The following PARD3 variants were observed in gnomAD, a reference collection of about 807,000 sequenced individuals.
The protein encoded by PARD3 is par-3 family cell polarity regulator.
PARD3 carries 75 observed loss-of-function variants against 155.4 expected under a neutral mutation model. That is an observed-to-expected ratio of 0.48 (90% confidence interval 0.40 to 0.58). The LOEUF is 0.58. PARD3 is among the 20% of genes least tolerant of loss of function. PARD3 has a pLI of 0.00. For synonymous variants in PARD3, 576 were observed against 610.5 expected, an observed-to-expected ratio of 0.94 and a Z score of 0.83; for missense variants, 1,642 against 1,721.7, an observed-to-expected ratio of 0.95 and a Z score of 0.82.
rs1843623911 is a variant in PARD3, at chr10:34,398,976, C to T, written c.890+354G>A. ...GATAATTTTTATTGCATTAAGCTTTCCCAAAAAAAGTGCTTTTAAGCTCTC... is the reference window on the plus strand; with the variant it reads ...GATAATTTTTATTGCATTAAGCTTTTCCAAAAAAAGTGCTTTTAAGCTCTC... On this transcript the variant is annotated intron_variant, in intron 7 of 24. Transcript: ENST00000374788. 2.0e-5 allele frequency among the ~76,000 whole-genome samples: 3 copies of T among 152,098 alleles called. No homozygotes were observed. In the South Asian group the frequency reaches 6.2e-4, roughly 31 times the overall value.
intron 7 of PARD3, among the ~76,000 whole-genome samples, chr10:34,391,847 G>T (rs543600537): frequency 6.6e-6 from 1 of 152,004 alleles, no homozygotes; most frequent in Non-Finnish European, 1.5e-5. Flanking sequence ...ACTCAAAAAC[G>T]CAAAACATTA....
intron 3 of PARD3, among the ~76,000 whole-genome samples, chr10:34,501,000 A>G (rs2080661611): frequency 6.6e-6 from 1 of 152,240 alleles, no homozygotes; most frequent in South Asian, 2.1e-4. Context: ...AGAGTTAAAA[A>G]TAACTAATTT....
At chr10:34,236,147 C>T (rs1017095478) in intron 22 of PARD3, among the ~76,000 whole-genome samples, 4 of 152,124 alleles carry the variant, frequency 2.6e-5, no homozygotes, top group African/African-American at 7.2e-5. Flanking sequence ...GGGTAACCTA[C>T]AGCTTATGAT....
At chr10:34,606,638 C>CAAAAAAAAAAA (rs398013195) in intron 2 of PARD3, among the ~76,000 whole-genome samples, 4 of 79,656 alleles carry the variant, frequency 5.0e-5, no homozygotes, top group African/African-American at 1.9e-4. Context: ...CCCGTGTCTT[C>CAAAAAAAAAAA]AAAAAAAAAA....
rs150557832 is a variant in PARD3 at position 34,360,245 on chromosome 10, C to T, written c.1722G>A (p.Glu574=). The T allele has an allele frequency of 2.6e-4, 422 of 1,612,406 alleles. 1 individual carries two copies. Among genetic ancestry groups the T allele is most frequent in the Non-Finnish European group, 5.3e-5 (63 of 1,178,564 alleles). Residue 574 remains glutamate, a synonymous_variant, in exon 13 of 25, where the codon GAG becomes GAA. Transcript: ENST00000374788. The part of the protein sequence containing the change: ...QIPKETKAED[E]DIVLTPDGTR... Reference sequence around the variant, plus strand: ...TGCCATCAGGTGTAAGAACAATATCCTCATCTTCTGCTTTCTAATAGGGAA... The same window carrying T: ...TGCCATCAGGTGTAAGAACAATATCTTCATCTTCTGCTTTCTAATAGGGAA...
chr10:34,454,436 T>TA (rs1453626203), intron 4 of PARD3, among the ~76,000 whole-genome samples: 1 of 152,188 alleles, frequency 6.6e-6, no homozygotes, highest in African/African-American at 2.4e-5. Flanking sequence ...TTAGCATAAA[T>TA]AATTGTTAAA....
At chr10:34,305,509 ACT>A (rs1386548165) in intron 20 of PARD3, among the ~76,000 whole-genome samples, 1 of 152,172 alleles carries the variant, frequency 6.6e-6, no homozygotes, top group Non-Finnish European at 1.5e-5. Flanking sequence ...CAACTCCTAG[ACT>A]CTGACGTTTT....
chr10:34,399,561 A>C lies in PARD3; in HGVS notation c.807-148T>G, dbSNP rs1564669648. ...CAAAAATCCCACCAAGTGCATAGGC[A>C]TATATATACATATTCTGGAATATAA... is the stretch of plus-strand genomic sequence containing the variant. On this transcript the variant is annotated intron_variant, in intron 6 of 24. Transcript: ENST00000374788. The C allele has an allele frequency of 1.6e-5, 10 of 623,464 alleles. No homozygotes were observed. In the East Asian group the frequency reaches 2.7e-4, roughly 17 times the overall value. The allele number at this position is 623,464 out of a possible 1,614,324, so 38.6% of individuals were successfully genotyped here.
intron 1 of PARD3, among the ~76,000 whole-genome samples, chr10:34,765,189 A>G (rs1212476370): frequency 2.6e-5 from 4 of 152,172 alleles, no homozygotes; most frequent in African/African-American, 9.7e-5. Context: ...CTTCCGTCCA[A>G]AGAAAAATAC....
At chr10:34,493,605 A>T (rs752053815) in intron 3 of PARD3, among the ~76,000 whole-genome samples, 15 of 152,002 alleles carry the variant, frequency 9.9e-5, no homozygotes, top group Middle Eastern at 3.4e-3. Flanking sequence ...GGTGACAGGC[A>T]CCTGTAATTC....
intron 1 of PARD3, among the ~76,000 whole-genome samples, chr10:34,725,988 C>T (rs2094703084): frequency 6.6e-6 from 1 of 152,128 alleles, no homozygotes; most frequent in African/African-American, 2.4e-5. Context: ...CTTTAGAATG[C>T]CATTTGGTTA....
rs113249881 is a variant in PARD3, at chr10:34,189,369, T to C, written c.3420-57786A>G. On this transcript the variant is annotated intron_variant, in intron 22 of 24. Transcript: ENST00000374788. ...AAATTTTAAAAATGCTGCTAAGACA[T>C]TTCTTTCCTTCTTTATGGGGTTAAC... Among the ~76,000 whole-genome samples the C allele has an allele frequency of 5.9e-3, 898 of 152,276 alleles. 9 individuals are homozygous for C. The highest frequency in any genetic ancestry group is 0.02 in the African/African-American group (839 of 41,566).
At chr10:34,726,673 G>C (rs975754325) in intron 1 of PARD3, among the ~76,000 whole-genome samples, 1 of 151,876 alleles carries the variant, frequency 6.6e-6, no homozygotes, top group Non-Finnish European at 1.5e-5. Context: ...AGGCTGAGGA[G>C]AATCACTTGA....
At chr10:34,189,724 G>T (rs202214296) in intron 22 of PARD3, among the ~76,000 whole-genome samples, 2 of 152,166 alleles carry the variant, frequency 1.3e-5, no homozygotes, top group East Asian at 3.8e-4. Flanking sequence ...CTAGCCACCT[G>T]CTTCACAGAA....
chr10:34,111,094 A>G lies in PARD3; in HGVS notation c.*75T>C, dbSNP rs1259567929. 6 of 1,488,310 alleles carry G rather than the reference A, an allele frequency of 4.0e-6. No homozygotes were observed. In the Admixed American group the frequency reaches 1.1e-4, roughly 28 times the overall value. The allele number at this position is 1,488,310 out of a possible 1,614,324, so 92.2% of individuals were successfully genotyped here. ...TCCATAGTACCATCGAGGTTTTAAA[A>G]AAACTCCCAAAATACAAGTCTTCAT... On this transcript the variant is annotated 3_prime_UTR_variant, in exon 25 of 25. Transcript: ENST00000374788.
intron 2 of PARD3, among the ~76,000 whole-genome samples, chr10:34,555,908 G>A (rs552639545): frequency 6.6e-6 from 1 of 152,200 alleles, no homozygotes; most frequent in South Asian, 2.1e-4. Context: ...ATGACATCAG[G>A]GTTGGACCCT....
At chr10:34,399,510 A>T in intron 6 of PARD3, 97 bp from the exon 7 acceptor site, 1 of 766,050 alleles carries the variant, frequency 1.3e-6, no homozygotes, top group Admixed American at 2.0e-5. Flanking sequence ...ACACAGACAC[A>T]CAATAAACAA....
intron 3 of PARD3, among the ~76,000 whole-genome samples, chr10:34,480,372 CT>C (rs2078997685): frequency 6.6e-6 from 1 of 152,160 alleles, no homozygotes; most frequent in South Asian, 2.1e-4. Context: ...GTAACTGAGA[CT>C]ATAGGTGGAC....
At chr10:34,791,048 C>T (rs1841557843) in intron 1 of PARD3, among the ~76,000 whole-genome samples, 1 of 152,204 alleles carries the variant, frequency 6.6e-6, no homozygotes. Context: ...GAAAAAAAGA[C>T]AAGTGCAGCC....
Sources: allele counts gnomAD v4.1 joint callset (sites outside exome capture counted in the v4.1 genomes callset), GRCh38; gene constraint gnomAD v4.1.1; transcripts MANE v1.5; gene names NCBI Gene and HGNC (gene_info 2026-07-23, HGNC 2026-07-21).